FRMPD3: variants seen among roughly 807,000 people sequenced by gnomAD.
FRMPD3 encodes the protein FERM and PDZ domain-containing protein 3.
FRMPD3 carries 42 observed loss-of-function variants against 97.9 expected under a neutral mutation model. The observed-to-expected ratio is 0.43, with a 90% confidence interval of 0.34 to 0.55. The LOEUF is 0.55. FRMPD3 is among the 20% of genes least tolerant of loss of function. The pLI, the probability that FRMPD3 is intolerant of heterozygous loss-of-function variation, is 0.03. For synonymous variants in FRMPD3, 577 were observed against 581.1 expected (o/e 0.99, Z 0.10); for missense variants, 1,303 against 1,457.7 (o/e 0.89, Z 1.73).
intron 2 of FRMPD3, among the ~76,000 whole-genome samples, chrX:107,529,123 G>A (rs1034126937): frequency 4.5e-5 from 5 of 112,117 alleles, no homozygotes; most frequent in African/African-American, 9.7e-5. Context: ...AGTCAGGCTG[G>A]TTCTGACTTC....
At chrX:107,540,451 C>T (rs925697307) in intron 4 of FRMPD3, among the ~76,000 whole-genome samples, 3 of 111,943 alleles carry the variant, frequency 2.7e-5, no homozygotes, top group African/African-American at 3.2e-5. Context: ...GATCACAACC[C>T]TGACATCTGT....
At chrX:107,497,217 T>C (rs1921796584) in intron 1 of FRMPD3, among the ~76,000 whole-genome samples, 1 of 112,909 alleles carries the variant, frequency 8.9e-6, no homozygotes, top group Non-Finnish European at 1.9e-5. Context: ...CAGCTTTTGG[T>C]TTTATTTTAG....
intron 8 of FRMPD3, among the ~76,000 whole-genome samples, chrX:107,557,683 G>A (rs922763500): frequency 1.0e-5 from 1 of 98,860 alleles, no homozygotes; most frequent in Non-Finnish European, 2.0e-5. Flanking sequence ...GTGTGTGTGT[G>A]TGTGTGTGTG....
chrX:107,576,698 A>G (rs371372411), intron 13 of FRMPD3, among the ~76,000 whole-genome samples: 50 of 112,583 alleles, frequency 4.4e-4, no homozygotes, highest in Middle Eastern at 4.6e-3. Context: ...GAGTCAGCCA[A>G]TGAATGTATT....
chrX:107,519,655 A>C (rs935813847), intron 1 of FRMPD3, among the ~76,000 whole-genome samples: 3 of 111,852 alleles, frequency 2.7e-5, no homozygotes, highest in African/African-American at 9.8e-5. Flanking sequence ...TCTGTAGATA[A>C]CAATGAGGAG....
chrX:107,576,480 G>GT lies in FRMPD3; in HGVS notation c.1441+26dup, dbSNP rs1923122903. ...GGCAGGTAGGGCTCAACCTCGGTTG[G>GT]TTTTTGCTGTGCCAGAGGCCCTTTG... On this transcript the variant is annotated intron_variant, in intron 13 of 14. Coordinates refer to ENST00000683843, the MANE Select transcript of FRMPD3 (RefSeq NM_001388459.1). 5.8e-6 allele frequency: 7 copies of GT among 1,206,219 alleles called. No individual in the cohort carries two copies. In the East Asian group the frequency reaches 2.1e-4, roughly 36 times the overall value.
rs191480950 is a variant in FRMPD3 at position 107,574,077 on chromosome X, A to G, written c.1297-2238A>G. On this transcript the variant is annotated intron_variant, in intron 12 of 14. Coordinates refer to ENST00000683843, the MANE Select transcript of FRMPD3 (RefSeq NM_001388459.1). ...AAGCCAAGAGAAGAATTTCCAAAGA[A>G]GGTGATTGCTGTTAGCAAATGTAAT... Among the ~76,000 whole-genome samples, 15 of 112,413 alleles carry G rather than the reference A, an allele frequency of 1.3e-4. No homozygotes were observed. In the East Asian group the frequency reaches 3.6e-3, roughly 27 times the overall value.
chrX:107,532,508 C>T (rs1180777648), intron 3 of FRMPD3, among the ~76,000 whole-genome samples: 1 of 112,329 alleles, frequency 8.9e-6, no homozygotes, highest in Non-Finnish European at 1.9e-5. Flanking sequence ...CTGGAGGAGA[C>T]GAGTCACATA....
Position 107,600,982 on chromosome X carries a change from C to G in FRMPD3, c.2943C>G (p.Ser981Arg). The G allele has an allele frequency of 8.3e-7, 1 of 1,208,052 alleles. No homozygotes were observed. The highest frequency in any genetic ancestry group is 1.1e-6 in the Non-Finnish European group (1 of 894,028). The change falls in exon 15 of 15, where the codon AGC becomes AGG. Residue 981 changes from serine (S) to arginine (R), a missense_variant. By Grantham distance (110) the Ser-to-Arg change is moderately radical. This residue lies in a region of FRMPD3 where 764 missense variants were observed against 820.2 expected (regional missense o/e 0.93). Coordinates refer to ENST00000683843, the MANE Select transcript of FRMPD3 (RefSeq NM_001388459.1). ...TAGGALGNPP[S>R]RGERRLEASM... ...GTGGGGCTTTGGGGAACCCCCCCAG[C>G]AGGGGTGAGAGAAGGCTGGAGGCCA... is the stretch of plus-strand genomic sequence containing the variant.
intron 1 of FRMPD3, among the ~76,000 whole-genome samples, chrX:107,484,223 C>T (rs1457645483): frequency 8.9e-6 from 1 of 112,373 alleles, no homozygotes; most frequent in African/African-American, 3.2e-5. Flanking sequence ...GATTATGGTG[C>T]CAGATGGGCC....
At position 107,514,284 on chromosome X, in the gene FRMPD3, C is replaced by T. The variant is rs777034295; in HGVS notation, c.-7-12298C>T. On this transcript the variant is annotated intron_variant, in intron 1 of 14. Coordinates refer to ENST00000683843, the MANE Select transcript of FRMPD3 (RefSeq NM_001388459.1). ...ACACAAAAGGAGTTTGGATATTATT[C>T]GCTTGCAGTAGGAAATGTCTGAAGG... Among the ~76,000 whole-genome samples the T allele has an allele frequency of 5.4e-5, 6 of 111,562 alleles. 1 individual carries two copies. In the South Asian group the frequency reaches 1.5e-3, roughly 28 times the overall value.
Position 107,563,182 on chromosome X carries a change from G to T in FRMPD3, c.1098G>T (p.Leu366Phe). ...AACTTCCTACCTTCACGGGCGTTTT[G>T]TTCAACACTGTAGGCCTGGTCAGTG... ...LNELPTFTGV[L>F]FNTVGLDEKQ... Residue 366 changes from leucine (L) to phenylalanine (F), a missense_variant, in exon 11 of 15, where the codon TTG becomes TTT. Transcript: ENST00000683843. 1 of 1,207,224 alleles carries T rather than the reference G, an allele frequency of 8.3e-7. No homozygotes were observed. Among genetic ancestry groups the T allele is most frequent in the Non-Finnish European group, 1.1e-6 (1 of 892,570 alleles).
At chrX:107,589,495 C>T (rs753826891) in intron 13 of FRMPD3, among the ~76,000 whole-genome samples, 29 of 110,242 alleles carry the variant, frequency 2.6e-4, no homozygotes, top group Non-Finnish European at 4.5e-4. Flanking sequence ...CTCAGGTGGG[C>T]CACCTGACCA....
intron 1 of FRMPD3, among the ~76,000 whole-genome samples, chrX:107,456,581 T>C (rs1931381037): frequency 8.9e-6 from 1 of 112,385 alleles, no homozygotes; most frequent in Non-Finnish European, 1.9e-5. Flanking sequence ...GTAACAATAA[T>C]GCCTTTGTAT....
intron 3 of FRMPD3, among the ~76,000 whole-genome samples, chrX:107,531,968 A>G (rs868149043): frequency 8.9e-6 from 1 of 111,849 alleles, no homozygotes; most frequent in African/African-American, 3.3e-5. Context: ...CAGTCAGTCA[A>G]TCAACCAGTA....
chrX:107,481,196 G>A (rs1365100353), intron 1 of FRMPD3, among the ~76,000 whole-genome samples: 2 of 112,004 alleles, frequency 1.8e-5, no homozygotes, highest in African/African-American at 6.5e-5. Flanking sequence ...GCCATTTGAG[G>A]CTTTGCTGAT....
At chrX:107,530,328 A>G (rs1028306761) in intron 2 of FRMPD3, 81 bp from the exon 3 acceptor site, 151 of 742,867 alleles carry the variant, frequency 2.0e-4, no homozygotes, top group Non-Finnish European at 2.9e-4. Context: ...TTCAGCTCCT[A>G]CAGGCACAGG....
intron 2 of FRMPD3, among the ~76,000 whole-genome samples, chrX:107,528,082 C>T (rs1189273371): frequency 9.0e-6 from 1 of 110,786 alleles, no homozygotes; most frequent in Admixed American, 9.6e-5. Context: ...AAAGGTATAA[C>T]AATGAAGAAG....
rs749434051 is a variant in FRMPD3 at position 107,597,443 on chromosome X, G to A, written c.1564G>A (p.Asp522Asn). The A allele has an allele frequency of 9.1e-6, 11 of 1,209,242 alleles. No individual in the cohort carries two copies. The highest frequency in any genetic ancestry group is 3.5e-5 in the South Asian group (2 of 56,822). The stretch of plus-strand genomic sequence containing the variant: ...GAGCCGCTGCACGCCCCCACCTGCC[G>A]ACTCTGAGCTTGTCAGCTTCTGCTA... The part of the protein sequence containing the change: ...KSSRCTPPPA[D>N]SELVSFCYLH... Residue 522 changes from aspartate (D) to asparagine (N), a missense_variant, in exon 14 of 15, where the codon GAC becomes AAC. Coordinates refer to ENST00000683843, the MANE Select transcript of FRMPD3 (RefSeq NM_001388459.1).
Sources: gnomAD v4.1 joint callset for allele counts (sites outside exome capture counted in the v4.1 genomes callset) on GRCh38, gnomAD v4.1.1 for gene constraint, gnomAD v4.1.1 regional missense constraint, MANE v1.5 for transcripts, NCBI Gene and HGNC (gene_info 2026-07-23, HGNC 2026-07-21) for gene names.